The following ITGB1BP1 variants were observed in gnomAD, a reference collection of about 807,000 sequenced individuals.
ITGB1BP1 encodes the protein integrin beta-1-binding protein 1.
A neutral mutation model predicts 28.0 loss-of-function variants in ITGB1BP1; 20 were observed. That is an observed-to-expected ratio of 0.71 (90% CI 0.50 to 1.04). The LOEUF (loss-of-function observed/expected upper bound fraction) is 1.04. Among genes scored for constraint, ITGB1BP1 ranks in the 50% least tolerant of loss-of-function variants. The pLI is 0.00. For synonymous variants in ITGB1BP1, 103 were observed against 89.5 expected, an observed-to-expected ratio of 1.15 and a Z score of -0.85; for missense variants, 228 against 242.5, an observed-to-expected ratio of 0.94 and a Z score of 0.40.
intron 4 of ITGB1BP1, among the ~76,000 whole-genome samples, chr2:9,409,549 G>C (rs16867024): frequency 0.034 from 5,185 of 152,220 alleles, 287 homozygotes; most frequent in African/African-American, 0.12. Context: ...CACTTAGACT[G>C]GTTGTAGCTT....
intron 4 of ITGB1BP1, among the ~76,000 whole-genome samples, chr2:9,409,670 T>G (rs944754182): frequency 6.6e-6 from 1 of 151,846 alleles, no homozygotes; most frequent in Non-Finnish European, 1.5e-5. Flanking sequence ...TCATAAAACA[T>G]TATAACAAAA....
In ITGB1BP1 at chr2:9,405,712, A is replaced by AGTT. The variant is rs1191236204; in HGVS notation, c.*1119_*1121dup. On this transcript the variant is annotated 3_prime_UTR_variant, in exon 7 of 7. Coordinates refer to ENST00000355346, the MANE Select transcript of ITGB1BP1 (RefSeq NM_004763.5). ...TATTTTTAATGTTTTTAATCTTTAA[A>AGTT]GTTTTGTATATTGACAGTCCTTTAA... The AGTT allele has an allele frequency of 2.6e-5, 4 of 152,404 alleles. No individual in the cohort carries two copies. The highest frequency in any genetic ancestry group is 3.9e-4 in the East Asian group (2 of 5,190). The allele number at this position is 152,404 out of a possible 1,614,324, so 9.4% of individuals were successfully genotyped here.
At chr2:9,417,995 G>A (rs1020857357) in intron 2 of ITGB1BP1, among the ~76,000 whole-genome samples, 6 of 152,154 alleles carry the variant, frequency 3.9e-5, no homozygotes, top group Admixed American at 2.6e-4. Context: ...GAGTGTTCAC[G>A]TGCCATTGTC....
At position 9,405,760 on chromosome 2, in the gene ITGB1BP1, A is replaced by G. The variant is rs947710347; in HGVS notation, c.*1074T>C. 1.3e-5 allele frequency: 2 copies of G among 152,230 alleles called. No homozygotes were observed. The highest frequency in any genetic ancestry group is 4.8e-5 in the African/African-American group (2 of 41,448). The allele number at this position is 152,230 out of a possible 1,614,324, so 9.4% of individuals were successfully genotyped here. On this transcript the variant is annotated 3_prime_UTR_variant, in exon 7 of 7. Coordinates refer to ENST00000355346, the MANE Select transcript of ITGB1BP1 (RefSeq NM_004763.5). ...TAAAAAAAGTACACTATCATACTGTACATGGGATCTTTACATACTTTTAGC... is the reference window on the plus strand; with the variant it reads ...TAAAAAAAGTACACTATCATACTGTGCATGGGATCTTTACATACTTTTAGC...
Position 9,405,516 on chromosome 2 carries a change from C to G in ITGB1BP1, c.*1318G>C, listed in dbSNP as rs1356594726. ...GATGTATGATATTCAGTTCATTCAC[C>G]TGATTACTTTGGTTGCAGCACAACT... On this transcript the variant is annotated 3_prime_UTR_variant, in exon 7 of 7. Coordinates refer to ENST00000355346, the MANE Select transcript of ITGB1BP1 (RefSeq NM_004763.5). 1 of 152,538 alleles carries G rather than the reference C, an allele frequency of 6.6e-6. No individual in the cohort carries two copies. The highest frequency in any genetic ancestry group is 1.5e-5 in the Non-Finnish European group (1 of 68,028). 9.4% of individuals were successfully genotyped at this position (152,538 alleles called of 1,614,324 possible).
At chr2:9,420,435 T>C (rs1426185185) in intron 1 of ITGB1BP1, 1 of 151,828 alleles carries the variant, frequency 6.6e-6, no homozygotes, top group Non-Finnish European at 1.5e-5. Flanking sequence ...TTAGCGAGAG[T>C]AGACAGACCA....
At chr2:9,411,093 T>C (rs192519195) in intron 4 of ITGB1BP1, among the ~76,000 whole-genome samples, 15 of 152,336 alleles carry the variant, frequency 9.8e-5, no homozygotes, top group Admixed American at 2.0e-4. Context: ...ACTTCCACCA[T>C]TGGCAAGGGT....
intron 3 of ITGB1BP1, among the ~76,000 whole-genome samples, chr2:9,413,330 T>C (rs553879164): frequency 1.3e-5 from 2 of 151,976 alleles, no homozygotes; most frequent in South Asian, 2.1e-4. Flanking sequence ...CTTGATTTCT[T>C]TTTTTTTCTT....
rs1285414068 is a variant in ITGB1BP1 at position 9,418,874 on chromosome 2, GC to G, written c.-35-143del. 10 of 630,466 alleles carry G rather than the reference GC, an allele frequency of 1.6e-5. No homozygotes were observed. In the East Asian group the frequency reaches 2.7e-4, roughly 17 times the overall value. The allele number at this position is 630,466 out of a possible 1,614,324, so 39.1% of individuals were successfully genotyped here. ...TCTGCAGTCTTGACCTCACACCTCA[GC>G]CTCCCCGAGTAGCTGGGACTACAGG... On this transcript the variant is annotated intron_variant, in intron 1 of 6. Transcript: ENST00000355346.
rs769922581 is a variant in ITGB1BP1 at position 9,407,487 on chromosome 2, C to T, written c.493G>A (p.Glu165Lys). ...LALKTTDASN[E>K]EYSLWVYQCN... is the part of the protein sequence containing the mutation. ...TGATAAACCCACAGGCTGTATTCCT[C>T]ATTGCTTGCATCTGTGGTCTTCAGA... The change falls in exon 6 of 7, where the codon GAG becomes AAG. Residue 165 changes from glutamate (E) to lysine (K), a missense_variant. Glu to Lys is a moderately conservative substitution (Grantham distance 56). Around this residue, in one of 2 missense-constraint regions of ITGB1BP1, gnomAD observed 192 missense variants for 181.6 expected, o/e 1.06. Coordinates refer to ENST00000355346, the MANE Select transcript of ITGB1BP1 (RefSeq NM_004763.5). 2.5e-5 allele frequency: 40 copies of T among 1,614,220 alleles called. No homozygotes were observed. The highest frequency in any genetic ancestry group is 3.3e-5 in the Admixed American group (2 of 60,030).
At chr2:9,416,353 T>C (rs1400647164) in intron 2 of ITGB1BP1, among the ~76,000 whole-genome samples, 4 of 152,126 alleles carry the variant, frequency 2.6e-5, no homozygotes, top group Admixed American at 2.6e-4. Flanking sequence ...TTTCTTTAAA[T>C]GAGATTAACG....
In ITGB1BP1 at chr2:9,407,583, G is replaced by C; in HGVS notation, c.397C>G (p.His133Asp). Residue 133 changes from histidine (H) to aspartate (D), a missense_variant, in exon 6 of 7, where the codon CAT (histidine) becomes GAT (aspartate). Physicochemically the swap from His to Asp is moderately conservative, Grantham distance 81 (BLOSUM62 -1). Around this residue, in one of 2 missense-constraint regions of ITGB1BP1, gnomAD observed 192 missense variants for 181.6 expected, o/e 1.06. Transcript: ENST00000355346. ...TSDQYDVLHR[H>D]ALYLIIRMVC... ...ATCCGGATTATTAAGTAGAGAGCATGCCTGTGCAAAACATCCTGCAGAAGT... is the reference window on the plus strand; with the variant it reads ...ATCCGGATTATTAAGTAGAGAGCATCCCTGTGCAAAACATCCTGCAGAAGT... The C allele has an allele frequency of 1.9e-6, 3 of 1,614,124 alleles. No individual in the cohort carries two copies. The highest frequency in any genetic ancestry group is 2.5e-6 in the Non-Finnish European group (3 of 1,180,026).
At chr2:9,410,879 C>T (rs183680985) in intron 4 of ITGB1BP1, among the ~76,000 whole-genome samples, 53 of 152,290 alleles carry the variant, frequency 3.5e-4, no homozygotes, top group Middle Eastern at 3.4e-3. Context: ...TGCCCTGCCA[C>T]GCTGTATTTC....
rs199860614 is a variant in ITGB1BP1 at position 9,407,439 on chromosome 2, G to C, written c.531+10C>G. 2 of 1,613,958 alleles carry C rather than the reference G, an allele frequency of 1.2e-6. No individual in the cohort carries two copies. The highest frequency in any genetic ancestry group is 2.7e-5 in the African/African-American group (2 of 74,920). ...TGGGCAAGCAGCTAACCAAAGTAACGAAGTCTCACCAGGCTGTTGCACTGA... is the reference window on the plus strand; with the variant it reads ...TGGGCAAGCAGCTAACCAAAGTAACCAAGTCTCACCAGGCTGTTGCACTGA... On this transcript the variant is annotated intron_variant, in intron 6 of 6. Transcript: ENST00000355346.
At chr2:9,423,133 A>G (rs1680104007) in intron 1 of ITGB1BP1, 1 of 1,008,122 alleles carries the variant, frequency 9.9e-7, no homozygotes, top group Non-Finnish European at 1.2e-6. Flanking sequence ...CTCCGGGGCG[A>G]CAGCGGCTCG....
intron 4 of ITGB1BP1, among the ~76,000 whole-genome samples, chr2:9,409,925 A>G (rs968241424): frequency 6.7e-6 from 1 of 149,564 alleles, no homozygotes; most frequent in Non-Finnish European, 1.5e-5. Flanking sequence ...GCTCACTGCA[A>G]CCTCCACCTC....
intron 4 of ITGB1BP1, among the ~76,000 whole-genome samples, chr2:9,411,474 C>T (rs190156462): frequency 2.0e-5 from 3 of 152,246 alleles, no homozygotes; most frequent in South Asian, 2.1e-4. Flanking sequence ...GTAATCCCAG[C>T]GCTTTGGGAG....
rs1178987281 is a variant in ITGB1BP1, at chr2:9,406,683, T to G, written c.*151A>C. The G allele has an allele frequency of 4.6e-6, 3 of 649,542 alleles. No individual in the cohort carries two copies. Among genetic ancestry groups the G allele is most frequent in the African/African-American group, 1.8e-5 (1 of 55,104 alleles). The allele number at this position is 649,542 out of a possible 1,614,324, so 40.2% of individuals were successfully genotyped here. A position where few individuals can be genotyped will look rare whatever the true frequency, so the allele number is the denominator to read the frequency against. On this transcript the variant is annotated 3_prime_UTR_variant, in exon 7 of 7. Transcript: ENST00000355346. ...ACTCACTGTGTAATAGGACACATTT[T>G]AATAAACAAATGATCAGCATTTTAC...
chr2:9,416,460 C>A (rs574726240), intron 2 of ITGB1BP1, among the ~76,000 whole-genome samples: 2 of 152,240 alleles, frequency 1.3e-5, no homozygotes. Flanking sequence ...ATGACTCAGG[C>A]TCCCAAGGAG....
Sources: allele counts gnomAD v4.1 joint callset (sites outside exome capture counted in the v4.1 genomes callset), GRCh38; gene constraint gnomAD v4.1.1; regional missense constraint gnomAD v4.1.1; transcripts MANE v1.5; gene names NCBI Gene and HGNC (gene_info 2026-07-23, HGNC 2026-07-21).